Variants in MYT1L observed in about 807,000 individuals in gnomAD.
MYT1L encodes the protein myelin transcription factor 1 like.
MYT1L carries 12 observed loss-of-function variants against 126.7 expected under a neutral mutation model. The observed-to-expected ratio is 0.09, with a 90% CI of 0.06 to 0.15. The LOEUF (loss-of-function observed/expected upper bound fraction) is 0.15, where lower values mean the gene tolerates loss of function less well. Ranked by LOEUF, MYT1L falls within the 10% of genes least tolerant of loss-of-function variation. MYT1L has a pLI of 1.00. For synonymous variants in MYT1L, 541 were observed against 604.2 expected (o/e 0.90, Z 1.53); for missense variants, 979 against 1,585.2 (o/e 0.62, Z 6.49).
At chr2:2,316,252 C>T (rs2096062953) in intron 1 of MYT1L, among the ~76,000 whole-genome samples, 1 of 152,126 alleles carries the variant, frequency 6.6e-6, no homozygotes, top group Admixed American at 6.5e-5. Flanking sequence ...TATTCAGGCC[C>T]ACTCTTTTGA....
At chr2:1,937,512 C>T (rs2056102525) in intron 9 of MYT1L, among the ~76,000 whole-genome samples, 1 of 151,918 alleles carries the variant, frequency 6.6e-6, no homozygotes, top group Non-Finnish European at 1.5e-5. Context: ...CATCAGATTG[C>T]ACATCGAGAA....
At chr2:2,184,775 T>C (rs1343024573) in intron 2 of MYT1L, among the ~76,000 whole-genome samples, 1 of 152,100 alleles carries the variant, frequency 6.6e-6, no homozygotes, top group Non-Finnish European at 1.5e-5. Context: ...TATAAGCCTC[T>C]CCTCATCCGT....
intron 9 of MYT1L, among the ~76,000 whole-genome samples, chr2:1,931,714 G>A (rs755302731): frequency 9.2e-5 from 14 of 152,292 alleles, no homozygotes; most frequent in South Asian, 6.2e-4. Context: ...ATGTCTGTGC[G>A]TTGAGGAGCT....
chr2:2,088,170 G>C (rs375490044), intron 3 of MYT1L, among the ~76,000 whole-genome samples: 44 of 152,348 alleles, frequency 2.9e-4, no homozygotes, highest in African/African-American at 1.0e-3. Flanking sequence ...TGACCACAGG[G>C]GAAAGGCCGT....
At chr2:2,044,779 G>T (rs554157098) in intron 4 of MYT1L, among the ~76,000 whole-genome samples, 1 of 152,306 alleles carries the variant, frequency 6.6e-6, no homozygotes, top group East Asian at 1.9e-4. Context: ...ATTGGTGTCT[G>T]TAGTCACTTT....
At chr2:1,949,843 T>C (rs1231924979) in intron 8 of MYT1L, among the ~76,000 whole-genome samples, 1 of 152,198 alleles carries the variant, frequency 6.6e-6, no homozygotes, top group Non-Finnish European at 1.5e-5. Context: ...CTGACAGTGA[T>C]TCCCCACAAC....
At chr2:1,898,072 CT>C (rs1463928106) in intron 14 of MYT1L, among the ~76,000 whole-genome samples, 1 of 152,150 alleles carries the variant, frequency 6.6e-6, no homozygotes, top group Non-Finnish European at 1.5e-5. Context: ...CAGGTAGGAC[CT>C]TTTCATTCAC....
chr2:1,843,773 G>GC (rs909538725), intron 19 of MYT1L, among the ~76,000 whole-genome samples: 2 of 152,198 alleles, frequency 1.3e-5, no homozygotes, highest in African/African-American at 4.8e-5. Context: ...TGTAGGCCCT[G>GC]CCCCCTGCCC....
chr2:2,209,563 T>C (rs897498450), intron 2 of MYT1L, among the ~76,000 whole-genome samples: 2 of 152,232 alleles, frequency 1.3e-5, no homozygotes, highest in Non-Finnish European at 2.9e-5. Context: ...ACCATGTTCT[T>C]GTAAAAGACA....
intron 4 of MYT1L, among the ~76,000 whole-genome samples, chr2:2,009,902 T>G (rs2063664067): frequency 6.7e-6 from 1 of 149,148 alleles, no homozygotes; most frequent in Admixed American, 6.6e-5. Flanking sequence ...TTAAGAGTTT[T>G]TTTTTTTTTT....
intron 2 of MYT1L, among the ~76,000 whole-genome samples, chr2:2,272,054 G>A (rs2095274361): frequency 1.3e-5 from 2 of 152,180 alleles, no homozygotes; most frequent in Admixed American, 1.3e-4. Flanking sequence ...GCCCCACCCA[G>A]CAATCCCACC....
intron 2 of MYT1L, among the ~76,000 whole-genome samples, chr2:2,221,215 A>G (rs1432463461): frequency 1.3e-5 from 2 of 152,174 alleles, no homozygotes; most frequent in African/African-American, 4.8e-5. Context: ...TTGGGGGCTG[A>G]GCCTTCTTGC....
rs1430540799 is a variant in MYT1L, at chr2:2,228,410, A to G, written c.-420-55422T>C. The stretch of plus-strand genomic sequence containing the variant: ...TGTTAGATTTTGAATACTGTAGTGA[A>G]TGAATGTCTTATCCAAAAGCAAACA... On this transcript the variant is annotated intron_variant, in intron 2 of 24. Coordinates refer to ENST00000647738, the MANE Select transcript of MYT1L (RefSeq NM_001303052.2). This position sits in a 1 kb window ranked among gnomAD's most constrained non-coding sequence, Gnocchi z 5.9. Among the ~76,000 whole-genome samples, 1 of 152,206 alleles carries G rather than the reference A, an allele frequency of 6.6e-6. No homozygotes were observed. The highest frequency in any genetic ancestry group is 1.5e-5 in the Non-Finnish European group (1 of 68,030).
chr2:1,792,042 T>A, intron 24 of MYT1L, 35 bp from the exon 25 acceptor site: 3 of 1,451,500 alleles, frequency 2.1e-6, no homozygotes, highest in Non-Finnish European at 2.8e-6. Flanking sequence ...ATATACAACT[T>A]TTATTTTCTT....
intron 2 of MYT1L, among the ~76,000 whole-genome samples, chr2:2,220,599 G>C (rs79763593): frequency 0.018 from 2,787 of 152,264 alleles, 77 homozygotes; most frequent in African/African-American, 0.063. Context: ...TATGTTAATA[G>C]AGATTCTTTA....
chr2:1,821,997 C>T (rs1166856771), intron 21 of MYT1L, among the ~76,000 whole-genome samples: 1 of 152,192 alleles, frequency 6.6e-6, no homozygotes, highest in Non-Finnish European at 1.5e-5. Context: ...TCAACTACTC[C>T]TCTGTTTTCC....
intron 12 of MYT1L, among the ~76,000 whole-genome samples, chr2:1,911,072 C>T (rs940261830): frequency 1.2e-4 from 18 of 152,234 alleles, no homozygotes; most frequent in African/African-American, 3.4e-4. Context: ...CCCAAAAATA[C>T]GCCTGTGCTG....
intron 21 of MYT1L, chr2:1,826,939 T>G (rs1431759996): frequency 6.6e-6 from 1 of 152,168 alleles, no homozygotes; most frequent in East Asian, 1.9e-4. Context: ...GACTGAGTCC[T>G]GCTTTCTCCA....
In MYT1L at chr2:2,123,511, G is replaced by A. The variant is rs541813844; in HGVS notation, c.-304+49361C>T. Among the ~76,000 whole-genome samples, 47 of 152,220 alleles carry A rather than the reference G, an allele frequency of 3.1e-4. No homozygotes were observed. In the South Asian group the frequency reaches 9.8e-3, roughly 32 times the overall value. The stretch of plus-strand genomic sequence containing the variant: ...CCCATTTTCCCCTTGCTGTTCTCAC[G>A]ACACTGAGTTCTCGCAAGACCTGGT... On this transcript the variant is annotated intron_variant, in intron 3 of 24. Transcript: ENST00000647738.
Sources: allele counts gnomAD v4.1 joint callset (sites outside exome capture counted in the v4.1 genomes callset), GRCh38; gene constraint gnomAD v4.1.1; non-coding constraint Gnocchi (gnomAD v3.1); transcripts MANE v1.5; gene names NCBI Gene and HGNC (gene_info 2026-07-23, HGNC 2026-07-21).